The following RAB11A variants were observed in gnomAD, a reference collection of about 807,000 sequenced individuals.
RAB11A encodes the protein ras-related protein Rab-11A.
In RAB11A, 9 loss-of-function variants were observed where a neutral mutation model predicts 28.0. The observed-to-expected ratio is 0.32, with a 90% CI of 0.19 to 0.56. RAB11A has a LOEUF of 0.56. Ranked by LOEUF, RAB11A falls within the 20% of genes least tolerant of loss-of-function variation. The pLI is 0.91. For missense variants in RAB11A, 108 were observed against 269.6 expected, an observed-to-expected ratio of 0.40 and a Z score of 4.20; for synonymous variants, 85 against 88.2, an observed-to-expected ratio of 0.96 and a Z score of 0.20.
rs180944196 is a variant in RAB11A at position 65,884,278 on chromosome 15, G to A, written c.512-3423G>A. ...TCATTCAATCAGATGAGTGGCTAAG[G>A]AATAAAGATAATTAACTTGCATCTT... On this transcript the variant is annotated intron_variant, in intron 4 of 4. Transcript: ENST00000261890. 1.4e-4 allele frequency among the ~76,000 whole-genome samples: 21 copies of A among 152,258 alleles called. No homozygotes were observed. In the East Asian group the frequency reaches 4.0e-3, roughly 29 times the overall value.
At chr15:65,870,852 C>T (rs186553712) in intron 1 of RAB11A, among the ~76,000 whole-genome samples, 11 of 151,776 alleles carry the variant, frequency 7.2e-5, no homozygotes, top group Admixed American at 7.2e-4. Flanking sequence ...TTGGTTGAGT[C>T]CGGAAGGAAT....
Position 65,877,590 on chromosome 15 carries a change from TG to T in RAB11A, c.236+65del, listed in dbSNP as rs1390200432. The stretch of plus-strand genomic sequence containing the variant: ...GCCATCGAGTGAATTAGCTGACTTT[TG>T]GTATTGGAAAAAGAACTGTTGTTTT... On this transcript the variant is annotated intron_variant, in intron 2 of 4. Transcript: ENST00000261890. This position sits in a 1 kb window ranked among gnomAD's most constrained non-coding sequence, Gnocchi z 4.1. 3.3e-6 allele frequency: 5 copies of T among 1,498,358 alleles called. No homozygotes were observed. The highest frequency in any genetic ancestry group is 4.5e-6 in the Non-Finnish European group (5 of 1,105,650). The allele number at this position is 1,498,358 out of a possible 1,614,324, so 92.8% of individuals were successfully genotyped here.
At chr15:65,879,779 A>T (rs747499119) in intron 4 of RAB11A, 28 bp downstream of exon 4, 1 of 1,476,600 alleles carries the variant, frequency 6.8e-7, no homozygotes. Flanking sequence ...AGATTACACC[A>T]GTAGGACTAG....
intron 1 of RAB11A, among the ~76,000 whole-genome samples, chr15:65,870,784 G>C (rs1350058317): frequency 1.3e-5 from 2 of 152,080 alleles, no homozygotes; most frequent in African/African-American, 4.8e-5. Flanking sequence ...ACGGAAACAT[G>C]TAGTGCCCTT....
chr15:65,881,890 A>C (rs953797593), intron 4 of RAB11A, among the ~76,000 whole-genome samples: 21 of 151,204 alleles, frequency 1.4e-4, no homozygotes, highest in Non-Finnish European at 1.8e-4. Context: ...AAAAAAAAAA[A>C]AAAAAAAAAA....
In RAB11A at chr15:65,890,850, G is replaced by A. The variant is rs969623639; in HGVS notation, c.*3010G>A. On this transcript the variant is annotated 3_prime_UTR_variant, in exon 5 of 5. Transcript: ENST00000261890. ...TCTAACCTGTCAGGTTTCAATTTGT[G>A]GGGCTTGGTTTAACAGAGGAAAAAA... The A allele has an allele frequency of 6.6e-6, 1 of 152,110 alleles. No homozygotes were observed. The highest frequency in any genetic ancestry group is 1.5e-5 in the Non-Finnish European group (1 of 68,010). The allele number at this position is 152,110 out of a possible 1,614,324, so 9.4% of individuals were successfully genotyped here.
chr15:65,878,340 G>C (rs1436821115), intron 3 of RAB11A, among the ~76,000 whole-genome samples: 1 of 152,174 alleles, frequency 6.6e-6, no homozygotes, highest in African/African-American at 2.4e-5. Flanking sequence ...TCTTGCCCCT[G>C]TTCTGGTAGG....
chr15:65,881,630 C>T (rs1331891880), intron 4 of RAB11A, among the ~76,000 whole-genome samples: 4 of 152,090 alleles, frequency 2.6e-5, no homozygotes, highest in Admixed American at 6.5e-5. Context: ...CTATTTTATG[C>T]ATCATTTTGT....
rs1167578729 is a variant in RAB11A, at chr15:65,891,497, C to G, written c.*3657C>G. ...AGTAACGAAGAGATTCTAGTCATGG[C>G]TCTTGTGGTCATTTCATTTTTGAGC... On this transcript the variant is annotated 3_prime_UTR_variant, in exon 5 of 5. Transcript: ENST00000261890. The G allele has an allele frequency of 2.0e-5, 3 of 152,132 alleles. No individual in the cohort carries two copies. The highest frequency in any genetic ancestry group is 4.4e-5 in the Non-Finnish European group (3 of 68,032). The allele number at this position is 152,132 out of a possible 1,614,324, so 9.4% of individuals were successfully genotyped here.
rs1294682062 is a variant in RAB11A, at chr15:65,886,468, C to A, written c.512-1233C>A. On this transcript the variant is annotated intron_variant, in intron 4 of 4. Transcript: ENST00000261890. ...TGTCCTTTATAGGAATACATTGTGT[C>A]TTTCCTAGTACATCGTATTAGGAGG... Among the ~76,000 whole-genome samples the A allele has an allele frequency of 2.6e-5, 4 of 152,300 alleles. No homozygotes were observed. In the East Asian group the frequency reaches 7.7e-4, roughly 29 times the overall value.
intron 1 of RAB11A, among the ~76,000 whole-genome samples, chr15:65,874,342 A>G (rs1269985204): frequency 6.6e-6 from 1 of 151,996 alleles, no homozygotes; most frequent in Admixed American, 6.6e-5. Context: ...TCCCGCTTCA[A>G]GCAATTCTCC....
chr15:65,872,214 C>T (rs1018065866), intron 1 of RAB11A, among the ~76,000 whole-genome samples: 1 of 151,818 alleles, frequency 6.6e-6, no homozygotes, highest in Non-Finnish European at 1.5e-5. Context: ...TCAGCCTCCC[C>T]AAGTGCTGGG....
At position 65,891,952 on chromosome 15, in the gene RAB11A, T is replaced by A. The variant is rs2078300814; in HGVS notation, c.*4112T>A. 6.6e-6 allele frequency: 1 copy of A among 152,238 alleles called. No individual in the cohort carries two copies. Among genetic ancestry groups the A allele is most frequent in the South Asian group, 2.1e-4 (1 of 4,834 alleles). The allele number at this position is 152,238 out of a possible 1,614,324, so 9.4% of individuals were successfully genotyped here. ...AAACTGCTGGCTTTTAATATGTACTTTAAAATATACTCATGTCTGGGAGAG... is the reference window on the plus strand; with the variant it reads ...AAACTGCTGGCTTTTAATATGTACTATAAAATATACTCATGTCTGGGAGAG... On this transcript the variant is annotated 3_prime_UTR_variant, in exon 5 of 5. Coordinates refer to ENST00000261890, the MANE Select transcript of RAB11A (RefSeq NM_004663.5).
At chr15:65,880,471 T>A (rs1162978456) in intron 4 of RAB11A, among the ~76,000 whole-genome samples, 1 of 152,226 alleles carries the variant, frequency 6.6e-6, no homozygotes, top group Non-Finnish European at 1.5e-5. Flanking sequence ...TGTATGTTAC[T>A]TTTAAGAACT....
Position 65,890,475 on chromosome 15 carries a change from T to A in RAB11A, c.*2635T>A, listed in dbSNP as rs2078285088. Reference sequence around the variant, plus strand: ...TTCTCTTTAATAGTAGTTGTCATTATGTAAGGGTAAGTTATTGCCCATTTA... The same window carrying A: ...TTCTCTTTAATAGTAGTTGTCATTAAGTAAGGGTAAGTTATTGCCCATTTA... On this transcript the variant is annotated 3_prime_UTR_variant, in exon 5 of 5. Transcript: ENST00000261890. 1 of 152,184 alleles carries A rather than the reference T, an allele frequency of 6.6e-6. No homozygotes were observed. Among genetic ancestry groups the A allele is most frequent in the African/African-American group, 2.4e-5 (1 of 41,442 alleles). The allele number at this position is 152,184 out of a possible 1,614,324, so 9.4% of individuals were successfully genotyped here.
At position 65,869,543 on chromosome 15, in the gene RAB11A, A is replaced by G; in HGVS notation, c.-43A>G. 3 of 1,604,026 alleles carry G rather than the reference A, an allele frequency of 1.9e-6. No homozygotes were observed. Among genetic ancestry groups the G allele is most frequent in the South Asian group, 2.2e-5 (2 of 90,632 alleles). ...CTGCAGCGACGCCCCCTGGTCCCAC[A>G]GATACCACTGCTGCTCCCGCCCTTT... On this transcript the variant is annotated 5_prime_UTR_variant, in exon 1 of 5. Coordinates refer to ENST00000261890, the MANE Select transcript of RAB11A (RefSeq NM_004663.5).
At chr15:65,872,798 C>G (rs1567136335) in intron 1 of RAB11A, among the ~76,000 whole-genome samples, 2 of 152,132 alleles carry the variant, frequency 1.3e-5, no homozygotes, top group Admixed American at 6.5e-5. Context: ...TTTTTAACTT[C>G]AATGCTGATT....
At chr15:65,879,899 A>G (rs578092600) in intron 4 of RAB11A, 148 bp downstream of exon 4, 20 of 567,468 alleles carry the variant, frequency 3.5e-5, no homozygotes, top group East Asian at 2.9e-4. Flanking sequence ...AGAGTGCAAA[A>G]TTAACTACAA....
At position 65,891,857 on chromosome 15, in the gene RAB11A, G is replaced by A. The variant is rs1298789158; in HGVS notation, c.*4017G>A. 1.3e-5 allele frequency: 2 copies of A among 152,130 alleles called. No homozygotes were observed. The highest frequency in any genetic ancestry group is 2.9e-5 in the Non-Finnish European group (2 of 68,026). The allele number at this position is 152,130 out of a possible 1,614,324, so 9.4% of individuals were successfully genotyped here. A position where few individuals can be genotyped will look rare whatever the true frequency, so the allele number is the denominator to read the frequency against. On this transcript the variant is annotated 3_prime_UTR_variant, in exon 5 of 5. Transcript: ENST00000261890. ...GTACCATATATGCTAAGGGAGAGGA[G>A]CACTTGATGGGCTGCTATGTTAACT...
Sources: allele counts gnomAD v4.1 joint callset (sites outside exome capture counted in the v4.1 genomes callset), GRCh38; gene constraint gnomAD v4.1.1; non-coding constraint Gnocchi (gnomAD v3.1); transcripts MANE v1.5; gene names NCBI Gene and HGNC (gene_info 2026-07-23, HGNC 2026-07-21).